The following GKAP1 variants were observed in gnomAD, a reference collection of about 807,000 sequenced individuals.
The protein encoded by GKAP1 is G kinase anchoring protein 1, also known as G kinase-anchoring protein 1.
In GKAP1, 31 loss-of-function variants were observed where a neutral mutation model predicts 56.7. That is an observed-to-expected ratio of 0.55 (90% CI 0.41 to 0.74). The LOEUF (loss-of-function observed/expected upper bound fraction) is 0.74, where lower values mean the gene tolerates loss of function less well. Among genes scored for constraint, GKAP1 ranks in the 30% least tolerant of loss-of-function variants. The pLI, the probability that GKAP1 is intolerant of heterozygous loss-of-function variation, is 0.00. For missense variants in GKAP1, 364 were observed against 402.3 expected, an observed-to-expected ratio of 0.90 and a Z score of 0.82; for synonymous variants, 151 against 138.6, an observed-to-expected ratio of 1.09 and a Z score of -0.63.
At chr9:83,809,765 TAGAA>T (rs1188329326) in intron 2 of GKAP1, among the ~76,000 whole-genome samples, 1 of 152,238 alleles carries the variant, frequency 6.6e-6, no homozygotes, top group Non-Finnish European at 1.5e-5. Flanking sequence ...CACTTGAAAT[TAGAA>T]AGGTCAATTG....
At chr9:83,767,710 C>T (rs1471700826) in intron 8 of GKAP1, among the ~76,000 whole-genome samples, 1 of 152,102 alleles carries the variant, frequency 6.6e-6, no homozygotes, top group African/African-American at 2.4e-5. Flanking sequence ...AATTTTGAAA[C>T]ACAGTCTTGC....
At chr9:83,760,772 G>A (rs2131255306) in intron 8 of GKAP1, among the ~76,000 whole-genome samples, 1 of 152,042 alleles carries the variant, frequency 6.6e-6, no homozygotes, top group South Asian at 2.1e-4. Context: ...ATGATCAGTG[G>A]GTCAATGAAG....
chr9:83,762,397 T>C (rs1477421544), intron 8 of GKAP1, among the ~76,000 whole-genome samples: 1 of 151,858 alleles, frequency 6.6e-6, no homozygotes, highest in East Asian at 1.9e-4. Flanking sequence ...TGAACAAAAC[T>C]GAAGAAGAGA....
intron 8 of GKAP1, among the ~76,000 whole-genome samples, chr9:83,755,103 T>C (rs1376842605): frequency 6.6e-6 from 1 of 152,140 alleles, no homozygotes; most frequent in Non-Finnish European, 1.5e-5. Context: ...TAGGTCAAAA[T>C]TAGAAATATA....
rs557160076 is a variant in GKAP1 at position 83,799,174 on chromosome 9, C to T, written c.360+11G>A. The T allele has an allele frequency of 9.3e-6, 15 of 1,611,322 alleles. No homozygotes were observed. In the African/African-American group the frequency reaches 1.5e-4, roughly 16 times the overall value. Reference sequence around the variant, plus strand: ...ATGAAAAACAAAGCAATTTTATTTACTTAGTTGTACCTGCTCATCTCTTTG... The same window carrying T: ...ATGAAAAACAAAGCAATTTTATTTATTTAGTTGTACCTGCTCATCTCTTTG... On this transcript the variant is annotated intron_variant, in intron 4 of 12. Transcript: ENST00000376371.
At chr9:83,795,676 G>A (rs181588139) in intron 4 of GKAP1, among the ~76,000 whole-genome samples, 1 of 144,288 alleles carries the variant, frequency 6.9e-6, no homozygotes, top group Admixed American at 7.5e-5. Flanking sequence ...ACTGCAGCCT[G>A]AGTAGCTGGG....
chr9:83,768,895 G>A lies in GKAP1; in HGVS notation c.661C>T (p.Leu221Phe), dbSNP rs1174517387. 1.9e-6 allele frequency: 3 copies of A among 1,610,944 alleles called. No individual in the cohort carries two copies. The Admixed American group carries it at 5.0e-5, about 27-fold the overall frequency. ...NRLEDDVHKILIREKRREQLT... is the reference protein window; with the variant it reads ...NRLEDDVHKIFIREKRREQLT... ...TGTTCTCTTCGTTTTTCTCTAATAA[G>A]AATTTTATGAACATCATCTTCCAGT... is the stretch of plus-strand genomic sequence containing the variant. Residue 221 changes from leucine to phenylalanine, a missense_variant, in exon 8 of 13, where the codon CTT becomes TTT. Leu to Phe is a conservative substitution (Grantham distance 22). Coordinates refer to ENST00000376371, the MANE Select transcript of GKAP1 (RefSeq NM_025211.4).
chr9:83,777,959 T>C (rs1454743882), intron 7 of GKAP1, among the ~76,000 whole-genome samples: 2 of 152,118 alleles, frequency 1.3e-5, no homozygotes, highest in Non-Finnish European at 2.9e-5. Flanking sequence ...ATGCCTCTAA[T>C]GGAAATGGAA....
intron 4 of GKAP1, among the ~76,000 whole-genome samples, chr9:83,790,649 C>A (rs78039789): frequency 3.2e-3 from 230 of 71,490 alleles, no homozygotes; most frequent in Middle Eastern, 0.014. Flanking sequence ...AACAAAAAAA[C>A]AAACAAACAA....
chr9:83,802,786 A>T (rs1944352429), intron 3 of GKAP1, among the ~76,000 whole-genome samples: 1 of 151,582 alleles, frequency 6.6e-6, no homozygotes, highest in Non-Finnish European at 1.5e-5. Context: ...ATATCATGCC[A>T]CTGAACTCCA....
chr9:83,760,614 A>G (rs978484333), intron 8 of GKAP1, among the ~76,000 whole-genome samples: 4 of 152,198 alleles, frequency 2.6e-5, no homozygotes, highest in African/African-American at 9.6e-5. Context: ...ACCCTGTGTT[A>G]GGTCACAAAA....
At chr9:83,741,876 T>C in intron 12 of GKAP1, 76 bp downstream of exon 12, 1 of 850,434 alleles carries the variant, frequency 1.2e-6, no homozygotes, top group South Asian at 1.5e-5. Context: ...AATAAAATAC[T>C]GCATTTATTC....
Position 83,799,315 on chromosome 9 carries a change from G to A in GKAP1, c.230C>T (p.Ala77Val). 1 of 1,596,252 alleles carries A rather than the reference G, an allele frequency of 6.3e-7. No individual in the cohort carries two copies. The highest frequency in any genetic ancestry group is 8.5e-7 in the Non-Finnish European group (1 of 1,173,980). Residue 77 changes from alanine (A) to valine (V), a missense_variant, in exon 4 of 13, where the codon GCT (alanine) becomes GTT (valine). By Grantham distance (64) the Ala-to-Val change is moderately conservative. Transcript: ENST00000376371. ...GGATTTCTGGGGAATTTTCTTAAAAGCAAGATTCCTGAGCTATAAAACAAA... is the reference window on the plus strand; with the variant it reads ...GGATTTCTGGGGAATTTTCTTAAAAACAAGATTCCTGAGCTATAAAACAAA... ...QSEANELRNL[A>V]FKKIPQKSSH...
chr9:83,770,164 T>G (rs1429500636), intron 7 of GKAP1, among the ~76,000 whole-genome samples: 3 of 152,240 alleles, frequency 2.0e-5, no homozygotes, highest in African/African-American at 7.2e-5. Context: ...TGGCATATTC[T>G]TGATGGTATT....
intron 9 of GKAP1, among the ~76,000 whole-genome samples, chr9:83,749,425 C>G (rs983208201): frequency 6.6e-6 from 1 of 152,020 alleles, no homozygotes; most frequent in African/African-American, 2.4e-5. Context: ...TGGGGTTTTA[C>G]CACGTTGGCC....
At chr9:83,806,606 A>T in intron 2 of GKAP1, 46 bp from the exon 3 acceptor site, 4 of 1,054,934 alleles carry the variant, frequency 3.8e-6, no homozygotes, top group Non-Finnish European at 5.6e-6. Flanking sequence ...CAAACAGAGT[A>T]AAATCTGTTG....
At chr9:83,789,704 T>C (rs1944122863) in intron 4 of GKAP1, among the ~76,000 whole-genome samples, 1 of 152,006 alleles carries the variant, frequency 6.6e-6, no homozygotes, top group Admixed American at 6.6e-5. Flanking sequence ...TGACAAAAGG[T>C]GGGGGCAAGT....
chr9:83,796,294 C>T (rs190276016), intron 4 of GKAP1, among the ~76,000 whole-genome samples: 90 of 152,232 alleles, frequency 5.9e-4, no homozygotes, highest in Admixed American at 1.6e-3. Flanking sequence ...AATTATGCCT[C>T]TGTTGGATTT....
intron 8 of GKAP1, among the ~76,000 whole-genome samples, chr9:83,764,201 C>T (rs1040506705): frequency 5.3e-5 from 8 of 152,148 alleles, no homozygotes; most frequent in Non-Finnish European, 1.0e-4. Flanking sequence ...CCACCCAAAT[C>T]TCATCTTGAA....
Sources: allele counts gnomAD v4.1 joint callset (sites outside exome capture counted in the v4.1 genomes callset), GRCh38; gene constraint gnomAD v4.1.1; transcripts MANE v1.5; gene names NCBI Gene and HGNC (gene_info 2026-07-23, HGNC 2026-07-21).